Variants in TMEFF2 observed in about 807,000 individuals in gnomAD.
TMEFF2 encodes transmembrane protein with EGF like and two follistatin like domains 2.
In TMEFF2, 28 loss-of-function variants were observed where a neutral mutation model predicts 53.8. That is an observed-to-expected ratio of 0.52 (90% CI 0.39 to 0.71). The LOEUF is 0.71. TMEFF2 is among the 30% of genes least tolerant of loss of function. TMEFF2 has a pLI of 0.00. For synonymous variants in TMEFF2, 162 were observed against 166.3 expected, an observed-to-expected ratio of 0.97 and a Z score of 0.20; for missense variants, 353 against 455.2, an observed-to-expected ratio of 0.78 and a Z score of 2.04.
intron 4 of TMEFF2, among the ~76,000 whole-genome samples, chr2:192,085,322 A>G (rs956892410): frequency 1.3e-5 from 2 of 152,142 alleles, no homozygotes; most frequent in Non-Finnish European, 2.9e-5. Flanking sequence ...GTAAATTGAG[A>G]TGGAATGCTG....
intron 7 of TMEFF2, among the ~76,000 whole-genome samples, chr2:191,979,498 A>G (rs1359948698): frequency 2.7e-5 from 4 of 150,514 alleles, no homozygotes; most frequent in African/African-American, 9.8e-5. Flanking sequence ...CTGCTATTCT[A>G]TTAGTTTACT....
chr2:192,180,909 C>T (rs1305054759), intron 3 of TMEFF2, among the ~76,000 whole-genome samples: 1 of 151,602 alleles, frequency 6.6e-6, no homozygotes, highest in Non-Finnish European at 1.5e-5. Flanking sequence ...TTTATAGGGT[C>T]TAATACTATT....
intron 5 of TMEFF2, among the ~76,000 whole-genome samples, chr2:192,017,732 T>C (rs1255672003): frequency 2.0e-5 from 3 of 152,220 alleles, no homozygotes; most frequent in Non-Finnish European, 4.4e-5. Flanking sequence ...TCTGATACGT[T>C]CAAATTTATT....
At chr2:191,975,401 A>G (rs1259985736) in intron 7 of TMEFF2, among the ~76,000 whole-genome samples, 1 of 149,922 alleles carries the variant, frequency 6.7e-6, no homozygotes, top group African/African-American at 2.4e-5. Context: ...AAACATGTGT[A>G]ATCTGATTTC....
intron 5 of TMEFF2, among the ~76,000 whole-genome samples, chr2:192,039,940 C>T (rs558597788): frequency 4.6e-5 from 7 of 152,054 alleles, no homozygotes; most frequent in Non-Finnish European, 7.4e-5. Context: ...CAATGATATG[C>T]CTGGATACCA....
chr2:191,974,797 T>C (rs10204677), intron 7 of TMEFF2, among the ~76,000 whole-genome samples: 3,822 of 152,174 alleles, frequency 0.025, 167 homozygotes, highest in African/African-American at 0.087. Context: ...TGGAGAAGAA[T>C]TGTAGTTTTT....
intron 4 of TMEFF2, among the ~76,000 whole-genome samples, chr2:192,080,240 C>T (rs998529626): frequency 5.3e-5 from 8 of 152,074 alleles, no homozygotes; most frequent in Admixed American, 3.3e-4. Context: ...AATTGTAATC[C>T]CCATAATCCC....
chr2:192,175,480 C>T (rs774806147), intron 4 of TMEFF2, among the ~76,000 whole-genome samples: 2 of 151,404 alleles, frequency 1.3e-5, no homozygotes, highest in African/African-American at 2.4e-5. Flanking sequence ...ATTTTCTACA[C>T]CAAATTTATC....
intron 7 of TMEFF2, among the ~76,000 whole-genome samples, chr2:191,969,267 G>A (rs1467949852): frequency 1.3e-5 from 2 of 151,920 alleles, no homozygotes; most frequent in Non-Finnish European, 2.9e-5. Flanking sequence ...GATATGTTTG[G>A]CAGCTACTTC....
intron 4 of TMEFF2, among the ~76,000 whole-genome samples, chr2:192,069,895 C>G (rs549877537): frequency 6.6e-6 from 1 of 150,564 alleles, no homozygotes; most frequent in Non-Finnish European, 1.5e-5. Context: ...TATTTTTAAA[C>G]GCCTTATAAC....
intron 4 of TMEFF2, among the ~76,000 whole-genome samples, chr2:192,147,478 CA>C (rs1370065919): frequency 6.6e-6 from 1 of 151,764 alleles, no homozygotes; most frequent in African/African-American, 2.4e-5. Flanking sequence ...TATCCCTCCC[CA>C]CTCCCCCCAC....
chr2:192,085,984 T>C (rs963040053), intron 4 of TMEFF2, among the ~76,000 whole-genome samples: 1 of 152,196 alleles, frequency 6.6e-6, no homozygotes, highest in Non-Finnish European at 1.5e-5. Flanking sequence ...CCTTACCTTT[T>C]TCTGTGTGTC....
At chr2:191,960,182 G>T (rs1046376886) in intron 7 of TMEFF2, among the ~76,000 whole-genome samples, 6 of 152,116 alleles carry the variant, frequency 3.9e-5, no homozygotes, top group African/African-American at 1.4e-4. Context: ...CCAAGTTGGT[G>T]TGTCTTAAAA....
chr2:191,963,910 G>C (rs929965617), intron 7 of TMEFF2, among the ~76,000 whole-genome samples: 3 of 152,082 alleles, frequency 2.0e-5, no homozygotes, highest in African/African-American at 4.8e-5. Flanking sequence ...CCTTAGTATA[G>C]CCTTTCAAGG....
At position 192,189,555 on chromosome 2, in the gene TMEFF2, CA is replaced by C. The variant is rs58455898; in HGVS notation, c.282+2324del. 3.6e-4 allele frequency among the ~76,000 whole-genome samples: 15 copies of C among 41,102 alleles called. 1 individual carries two copies. Among genetic ancestry groups the C allele is most frequent in the African/African-American group, 9.2e-4 (11 of 11,980 alleles). The allele number at this position is 41,102 out of a possible 152,430, so 27.0% of individuals were successfully genotyped here. A position where few individuals can be genotyped will look rare whatever the true frequency, so the allele number is the denominator to read the frequency against. ...GCAAGACCCTTGTCTCCAAAAATTCCAAAAAAAAAAAAAGGAATGCACGCTT... is the reference window on the plus strand; with the variant it reads ...GCAAGACCCTTGTCTCCAAAAATTCCAAAAAAAAAAAAGGAATGCACGCTT... On this transcript the variant is annotated intron_variant, in intron 2 of 9. Coordinates refer to ENST00000272771, the MANE Select transcript of TMEFF2 (RefSeq NM_016192.4).
chr2:192,088,044 G>C (rs1688704605), intron 4 of TMEFF2, among the ~76,000 whole-genome samples: 1 of 152,072 alleles, frequency 6.6e-6, no homozygotes, highest in African/African-American at 2.4e-5. Context: ...CCAGCTGCCT[G>C]GTTTACTAAG....
intron 2 of TMEFF2, among the ~76,000 whole-genome samples, chr2:192,191,245 A>G (rs1281536550): frequency 1.3e-5 from 2 of 152,208 alleles, no homozygotes; most frequent in Non-Finnish European, 2.9e-5. Context: ...AAAGAAATTA[A>G]CACAAGAAAA....
intron 4 of TMEFF2, among the ~76,000 whole-genome samples, chr2:192,064,943 T>C (rs1335624085): frequency 6.6e-6 from 1 of 151,848 alleles, no homozygotes; most frequent in Non-Finnish European, 1.5e-5. Flanking sequence ...TTTGAGGTCA[T>C]CTGTAATTTT....
chr2:192,132,007 T>A (rs1689845908), intron 4 of TMEFF2, among the ~76,000 whole-genome samples: 1 of 151,722 alleles, frequency 6.6e-6, no homozygotes, highest in Non-Finnish European at 1.5e-5. Context: ...TCCCAAATCT[T>A]CCTTCTTTCC....
Sources: allele counts gnomAD v4.1 joint callset (sites outside exome capture counted in the v4.1 genomes callset), GRCh38; gene constraint gnomAD v4.1.1; transcripts MANE v1.5; gene names NCBI Gene and HGNC (gene_info 2026-07-23, HGNC 2026-07-21).